KIF5B: variants seen among roughly 807,000 people sequenced by gnomAD.
The protein encoded by KIF5B is kinesin family member 5B, also known as kinesin-1 heavy chain.
In KIF5B, 49 loss-of-function variants were observed where a neutral mutation model predicts 132.8. The observed-to-expected ratio is 0.37, with a 90% CI of 0.29 to 0.47. The LOEUF is 0.47. Ranked by LOEUF, KIF5B falls within the 20% of genes least tolerant of loss-of-function variation. KIF5B has a pLI of 1.00. For synonymous variants in KIF5B, 355 were observed against 369.4 expected (o/e 0.96, Z 0.45); for missense variants, 780 against 1,144.0 (o/e 0.68, Z 4.59).
chr10:32,048,336 C>A, intron 2 of KIF5B, 128 bp downstream of exon 2: 1 of 603,658 alleles, frequency 1.7e-6, no homozygotes, highest in Non-Finnish European at 2.9e-6. Flanking sequence ...ATTATTTAAA[C>A]AACTTTCTTC....
intron 16 of KIF5B, 44 bp from the exon 17 acceptor site, chr10:32,022,301 T>C: frequency 1.1e-6 from 1 of 898,074 alleles, no homozygotes; most frequent in South Asian, 1.4e-5. Flanking sequence ...AACATATGCA[T>C]ACACTTTAAG....
intron 25 of KIF5B, among the ~76,000 whole-genome samples, chr10:32,015,276 A>T (rs1449212806): frequency 6.6e-6 from 1 of 152,236 alleles, no homozygotes; most frequent in Non-Finnish European, 1.5e-5. Flanking sequence ...CATTAGACAC[A>T]GTATCAAAAG....
chr10:32,030,026 G>T (rs1402610191), intron 14 of KIF5B, among the ~76,000 whole-genome samples: 1 of 152,190 alleles, frequency 6.6e-6, no homozygotes, highest in Non-Finnish European at 1.5e-5. Context: ...TGTGAGCAGG[G>T]AAATAAGTGG....
chr10:32,017,141 A>G lies in KIF5B; in HGVS notation c.2761+2T>C, dbSNP rs1841181993. On this transcript the variant is annotated splice_donor_variant, in intron 24 of 25. Transcript: ENST00000302418. LOFTEE classifies it high-confidence loss of function. The stretch of plus-strand genomic sequence containing the variant: ...TTAAAGGTTTTAATGTGTTCTACTA[A>G]CCAATCTGTGCAGAATGCCCTCTTC... 2 of 1,611,746 alleles carry G rather than the reference A, an allele frequency of 1.2e-6. No individual in the cohort carries two copies. The highest frequency in any genetic ancestry group is 1.7e-6 in the Non-Finnish European group (2 of 1,177,802).
At chr10:32,044,671 C>T (rs1841586454) in intron 2 of KIF5B, among the ~76,000 whole-genome samples, 2 of 151,250 alleles carry the variant, frequency 1.3e-5, no homozygotes, top group Admixed American at 1.3e-4. Flanking sequence ...AGCGAAACTC[C>T]GTCTCAATTT....
At chr10:32,046,065 A>G (rs1841604791) in intron 2 of KIF5B, among the ~76,000 whole-genome samples, 1 of 152,188 alleles carries the variant, frequency 6.6e-6, no homozygotes. Context: ...GATCCCCAGT[A>G]TAAAACTCAA....
At chr10:32,016,053 A>C (rs1007763374) in intron 24 of KIF5B, among the ~76,000 whole-genome samples, 3 of 152,124 alleles carry the variant, frequency 2.0e-5, no homozygotes, top group Non-Finnish European at 2.9e-5. Context: ...CTGAGGTGGG[A>C]GGATTGCATG....
Position 32,056,227 on chromosome 10 carries a change from G to T in KIF5B, c.-254C>A. 8.5e-6 allele frequency: 4 copies of T among 468,598 alleles called. No homozygotes were observed. The highest frequency in any genetic ancestry group is 1.5e-5 in the Non-Finnish European group (4 of 267,486). The allele number at this position is 468,598 out of a possible 1,614,324, so 29.0% of individuals were successfully genotyped here. On this transcript the variant is annotated 5_prime_UTR_variant, in exon 1 of 26. Coordinates refer to ENST00000302418, the MANE Select transcript of KIF5B (RefSeq NM_004521.3). The stretch of plus-strand genomic sequence containing the variant: ...GCGGCGGCAGCGGCGGCGGCACCGG[G>T]GAGAGCGTCCGCGGCTCCTCAGCGT...
At position 32,022,904 on chromosome 10, in the gene KIF5B, T is replaced by C; in HGVS notation, c.1858A>G (p.Lys620Glu). The change falls in exon 16 of 26, where the codon AAA becomes GAA. Residue 620 changes from lysine (K) to glutamate (E), a missense_variant. Lys to Glu is a moderately conservative substitution (Grantham distance 56). Coordinates refer to ENST00000302418, the MANE Select transcript of KIF5B (RefSeq NM_004521.3). ...TCCTTTTCATTTTCTTCCATTTTTTTGTTGCTCTCAGTTTGTGTGCTTTCT... is the reference window on the plus strand; with the variant it reads ...TCCTTTTCATTTTCTTCCATTTTTTCGTTGCTCTCAGTTTGTGTGCTTTCT... Reference protein sequence around the residue: ...QLESTQTESNKKMEENEKELA... With the variant: ...QLESTQTESNEKMEENEKELA... 5.6e-6 allele frequency: 9 copies of C among 1,613,600 alleles called. No homozygotes were observed. Among genetic ancestry groups the C allele is most frequent in the Non-Finnish European group, 7.6e-6 (9 of 1,179,644 alleles).
At chr10:32,048,294 T>C (rs539207391) in intron 2 of KIF5B, among the ~76,000 whole-genome samples, 170 bp downstream of exon 2, 64 of 152,336 alleles carry the variant, frequency 4.2e-4, no homozygotes, top group East Asian at 1.2e-3. Context: ...ATTTGAGCAA[T>C]AGAATATTTA....
chr10:32,037,682 A>C, intron 6 of KIF5B, 75 bp from the exon 7 acceptor site: 1 of 1,139,714 alleles, frequency 8.8e-7, no homozygotes, highest in Non-Finnish European at 1.3e-6. Flanking sequence ...AAAACACAAA[A>C]ATTAGCCGGG....
chr10:32,056,097 G>A lies in KIF5B; in HGVS notation c.-124C>T, dbSNP rs1841759693. 1.6e-6 allele frequency: 2 copies of A among 1,252,262 alleles called. No individual in the cohort carries two copies. The highest frequency in any genetic ancestry group is 2.7e-5 in the Admixed American group (1 of 37,594). 77.6% of individuals were successfully genotyped at this position (1,252,262 alleles called of 1,614,324 possible). A position where few individuals can be genotyped will look rare whatever the true frequency, so the allele number is the denominator to read the frequency against. On this transcript the variant is annotated 5_prime_UTR_variant, in exon 1 of 26. Transcript: ENST00000302418. ...GAGAGGCAGCAGTCAGCTGCGCCGC[G>A]CTGCGCTTCCCCGGGTGGAGGCGGC...
intron 23 of KIF5B, 34 bp from the exon 24 acceptor site, chr10:32,017,393 T>G (rs1841187929): frequency 6.6e-7 from 1 of 1,510,378 alleles, no homozygotes; most frequent in Non-Finnish European, 9.1e-7. Flanking sequence ...GGATTCCAGA[T>G]TTAACAGGAT....
intron 15 of KIF5B, among the ~76,000 whole-genome samples, chr10:32,023,749 G>A (rs989384518): frequency 2.6e-5 from 4 of 152,160 alleles, no homozygotes; most frequent in African/African-American, 7.2e-5. Context: ...TCTGACAAAG[G>A]TGCAAAGGCA....
Position 32,033,874 on chromosome 10 carries a change from CA to C in KIF5B, c.1275del (p.Ile425MetfsTer22), listed in dbSNP as rs1458532349. 1 of 1,612,680 alleles carries C rather than the reference CA, an allele frequency of 6.2e-7. No individual in the cohort carries two copies. The highest frequency in any genetic ancestry group is 1.7e-5 in the Admixed American group (1 of 59,858). On this transcript the variant is annotated frameshift_variant, in exon 12 of 26. Coordinates refer to ENST00000302418, the MANE Select transcript of KIF5B (RefSeq NM_004521.3). LOFTEE classifies it high-confidence loss of function. ...TCATCAAGCTGTTTGTATAATTTAG[CA>C]ATTTCTTCTTCACACTTTCTTCTTT... Reference protein sequence around the residue: ...DAERRKCEEEIAKLYKQLDDK... With the variant: ...DAERRKCEEEXAKLYKQLDDK...
intron 23 of KIF5B, 108 bp from the exon 24 acceptor site, chr10:32,017,467 G>C (rs1196302242): frequency 2.4e-6 from 2 of 821,360 alleles, no homozygotes; most frequent in Non-Finnish European, 3.8e-6. Flanking sequence ...ATTTTATATT[G>C]TTTCCCATTT....
chr10:32,049,272 C>G (rs1414039261), intron 1 of KIF5B, among the ~76,000 whole-genome samples: 2 of 152,064 alleles, frequency 1.3e-5, no homozygotes, highest in East Asian at 1.9e-4. Context: ...ATTAAGTGAC[C>G]AGAATTCTGA....
intron 16 of KIF5B, 65 bp from the exon 17 acceptor site, chr10:32,022,322 A>G: frequency 1.3e-6 from 1 of 772,228 alleles, no homozygotes; most frequent in Non-Finnish European, 2.2e-6. Flanking sequence ...AATATTTGAC[A>G]GTAAACATTT....
intron 15 of KIF5B, among the ~76,000 whole-genome samples, chr10:32,024,216 G>A (rs1212361302): frequency 1.5e-3 from 202 of 136,830 alleles, no homozygotes; most frequent in African/African-American, 5.2e-3. Context: ...GTGCAGTGGC[G>A]GGATCTCGGC....
Sources: allele counts gnomAD v4.1 joint callset (sites outside exome capture counted in the v4.1 genomes callset), GRCh38; gene constraint gnomAD v4.1.1; transcripts MANE v1.5; gene names NCBI Gene and HGNC (gene_info 2026-07-23, HGNC 2026-07-21).